TMPRSS15: variants seen among roughly 807,000 people sequenced by gnomAD.
The protein encoded by TMPRSS15 is enteropeptidase.
Under a neutral mutation model 125.3 loss-of-function variants are expected in TMPRSS15, and 128 were observed. The ratio of observed to expected loss-of-function variants is 1.02; its 90% CI spans 0.89 to 1.18. The LOEUF is 1.18. Ranked by LOEUF, TMPRSS15 falls within the 50% of genes most tolerant of loss-of-function variation. The pLI is 0.00. For synonymous variants in TMPRSS15, 446 were observed against 423.2 expected (o/e 1.05, Z -0.66); for missense variants, 1,283 against 1,212.7 (o/e 1.06, Z -0.86).
intron 1 of TMPRSS15, among the ~76,000 whole-genome samples, chr21:18,423,886 A>T (rs184004053): frequency 1.3e-5 from 2 of 152,344 alleles, no homozygotes; most frequent in African/African-American, 4.8e-5. Flanking sequence ...CAGGGAGATT[A>T]TAATCATTTA....
At chr21:18,334,758 C>G (rs1445741765) in intron 13 of TMPRSS15, among the ~76,000 whole-genome samples, 1 of 152,200 alleles carries the variant, frequency 6.6e-6, no homozygotes, top group Non-Finnish European at 1.5e-5. Context: ...GCTCATCCCA[C>G]AGTAATTTAC....
chr21:18,313,141 A>G lies in TMPRSS15; in HGVS notation c.2033-64T>C, dbSNP rs1171083707. 5.1e-6 allele frequency: 6 copies of G among 1,174,294 alleles called. No individual in the cohort carries two copies. The Admixed American group carries it at 1.0e-4, about 20-fold the overall frequency. The allele number at this position is 1,174,294 out of a possible 1,614,324, so 72.7% of individuals were successfully genotyped here. ...TGAAGGGTGCGGAGTATGGGAAGAC[A>G]TCGTTCAAAGAGTACAGAGCTTCAT... On this transcript the variant is annotated intron_variant, in intron 17 of 24. Coordinates refer to ENST00000284885, the MANE Select transcript of TMPRSS15 (RefSeq NM_002772.3).
At chr21:18,418,443 CTG>C (rs1437675325) in intron 1 of TMPRSS15, among the ~76,000 whole-genome samples, 2 of 152,172 alleles carry the variant, frequency 1.3e-5, no homozygotes, top group African/African-American at 2.4e-5. Context: ...GTGGCCATAT[CTG>C]TGTGCGAATG....
At chr21:18,312,673 A>C (rs2146935369) in intron 18 of TMPRSS15, among the ~76,000 whole-genome samples, 1 of 152,026 alleles carries the variant, frequency 6.6e-6, no homozygotes, top group Non-Finnish European at 1.5e-5. Context: ...TAAAATCATG[A>C]GAAATGCCCA....
chr21:18,474,742 T>C (rs1978845755), intron 1 of TMPRSS15, among the ~76,000 whole-genome samples: 1 of 152,236 alleles, frequency 6.6e-6, no homozygotes, highest in Non-Finnish European at 1.5e-5. Context: ...TGGGTTCTAG[T>C]ACTCTTAAGA....
intron 1 of TMPRSS15, among the ~76,000 whole-genome samples, chr21:18,415,296 A>C (rs1046959267): frequency 6.6e-6 from 1 of 151,984 alleles, no homozygotes; most frequent in Non-Finnish European, 1.5e-5. Context: ...GTTTTCTCCT[A>C]TTCTATAGGT....
At chr21:18,333,091 C>T (rs931103335) in intron 13 of TMPRSS15, among the ~76,000 whole-genome samples, 23 of 151,968 alleles carry the variant, frequency 1.5e-4, no homozygotes, top group Non-Finnish European at 7.4e-5. Context: ...TGGGGCCTTT[C>T]GGAGGGTGGA....
intron 1 of TMPRSS15, among the ~76,000 whole-genome samples, chr21:18,459,167 TC>T (rs1978501086): frequency 1.3e-5 from 2 of 152,188 alleles, no homozygotes; most frequent in Admixed American, 1.3e-4. Flanking sequence ...CAATAAATTT[TC>T]CCCCAGTTAA....
intron 1 of TMPRSS15, 67 bp downstream of exon 1, chr21:18,403,411 A>G: frequency 6.2e-7 from 1 of 1,604,872 alleles, no homozygotes. Context: ...GACTTACAGA[A>G]TAACTGACAC....
intron 15 of TMPRSS15, 85 bp downstream of exon 15, chr21:18,329,084 G>T: frequency 6.6e-7 from 1 of 1,503,938 alleles, no homozygotes; most frequent in Non-Finnish European, 9.2e-7. Flanking sequence ...GTAAAAGAGT[G>T]ATTACATTAA....
intron 1 of TMPRSS15, among the ~76,000 whole-genome samples, chr21:18,400,452 C>A (rs1164035482): frequency 6.6e-6 from 1 of 152,054 alleles, no homozygotes. Flanking sequence ...TAATCTTTAA[C>A]AAAGTTGACA....
At chr21:18,343,924 G>T (rs776101969) in intron 11 of TMPRSS15, 31 bp downstream of exon 11, 14 of 1,585,220 alleles carry the variant, frequency 8.8e-6, no homozygotes, top group Non-Finnish European at 1.1e-5. Context: ...CATTAAAAAA[G>T]ACAGCGTTTA....
At chr21:18,480,263 C>A (rs1601478015) in intron 1 of TMPRSS15, among the ~76,000 whole-genome samples, 1 of 151,912 alleles carries the variant, frequency 6.6e-6, no homozygotes, top group Non-Finnish European at 1.5e-5. Flanking sequence ...GTTTTAGTAT[C>A]TGAATTCTCT....
chr21:18,469,514 T>C (rs1304555651), intron 1 of TMPRSS15, among the ~76,000 whole-genome samples: 8 of 152,188 alleles, frequency 5.3e-5, no homozygotes, highest in Admixed American at 6.6e-5. Context: ...AGAAGCTTTG[T>C]AGTAAATCAT....
At chr21:18,414,978 A>G (rs941185078) in intron 1 of TMPRSS15, among the ~76,000 whole-genome samples, 2 of 151,916 alleles carry the variant, frequency 1.3e-5, no homozygotes, top group African/African-American at 4.8e-5. Flanking sequence ...ATTCCTACAA[A>G]CACTGTATAA....
At chr21:18,311,168 G>A (rs148203305) in intron 18 of TMPRSS15, among the ~76,000 whole-genome samples, 15 of 149,650 alleles carry the variant, frequency 1.0e-4, no homozygotes, top group African/African-American at 2.8e-4. Context: ...CCAGGACATC[G>A]GTCTGGACAA....
intron 6 of TMPRSS15, among the ~76,000 whole-genome samples, chr21:18,370,187 T>C (rs2147042894): frequency 6.6e-6 from 1 of 152,152 alleles, no homozygotes; most frequent in East Asian, 1.9e-4. Flanking sequence ...GAGTTTAGAG[T>C]GGCTCATAAA....
chr21:18,482,917 A>T (rs543629333), intron 1 of TMPRSS15, among the ~76,000 whole-genome samples: 114 of 151,872 alleles, frequency 7.5e-4, no homozygotes, highest in South Asian at 3.1e-3. Flanking sequence ...TTCCTTACTG[A>T]GAGTCAGTTA....
At chr21:18,473,769 T>C (rs1251752240) in intron 1 of TMPRSS15, among the ~76,000 whole-genome samples, 1 of 152,138 alleles carries the variant, frequency 6.6e-6, no homozygotes, top group Non-Finnish European at 1.5e-5. Context: ...CTTTTTTATG[T>C]TTTTGCCTGC....
Sources: allele counts gnomAD v4.1 joint callset (sites outside exome capture counted in the v4.1 genomes callset), GRCh38; gene constraint gnomAD v4.1.1; transcripts MANE v1.5; gene names NCBI Gene and HGNC (gene_info 2026-07-23, HGNC 2026-07-21).